Variants in CLEC16A observed in about 807,000 individuals in gnomAD.
The protein encoded by CLEC16A is protein CLEC16A.
Under a neutral mutation model 109.5 loss-of-function variants are expected in CLEC16A, and 51 were observed. That is an observed-to-expected ratio of 0.47 (90% CI 0.37 to 0.59). The LOEUF is 0.59. Ranked by LOEUF, CLEC16A falls within the 20% of genes least tolerant of loss-of-function variation. CLEC16A has a pLI of 0.00. For synonymous variants in CLEC16A, 673 were observed against 564.2 expected, an observed-to-expected ratio of 1.19 and a Z score of -2.73; for missense variants, 1,339 against 1,394.0, an observed-to-expected ratio of 0.96 and a Z score of 0.63.
At chr16:10,967,893 T>G (rs1388480594) in intron 3 of CLEC16A, among the ~76,000 whole-genome samples, 2 of 152,134 alleles carry the variant, frequency 1.3e-5, no homozygotes, top group Non-Finnish European at 2.9e-5. Context: ...CCCTGCACAC[T>G]TCTCACATGC....
At position 11,174,301 on chromosome 16, in the gene CLEC16A, C is replaced by T. The variant is rs908953824; in HGVS notation, c.2807-4034C>T. On this transcript the variant is annotated intron_variant, in intron 23 of 23. Transcript: ENST00000409790. The surrounding 1 kb of genome is among the most constrained non-coding windows in gnomAD (Gnocchi z 4.7). ...AGGCAGGTCTCCCCTGTGAGCCGCTCGGGCCGCGACGTCCACTCGCCACGC... is the reference window on the plus strand; with the variant it reads ...AGGCAGGTCTCCCCTGTGAGCCGCTTGGGCCGCGACGTCCACTCGCCACGC... 1.6e-5 allele frequency: 7 copies of T among 443,830 alleles called. No homozygotes were observed. Among genetic ancestry groups the T allele is most frequent in the Middle Eastern group, 4.0e-4 (1 of 2,476 alleles). The allele number at this position is 443,830 out of a possible 1,614,324, so 27.5% of individuals were successfully genotyped here.
In CLEC16A at chr16:11,047,261, T is replaced by G. The variant is rs74163620; in HGVS notation, c.1816-31T>G. The stretch of plus-strand genomic sequence containing the variant: ...TGTTTATGGAAAAAAATATGAATAA[T>G]CTCCTCTTCCCTCCCTTCCTTTCTT... On this transcript the variant is annotated intron_variant, in intron 16 of 23. Coordinates refer to ENST00000409790, the MANE Select transcript of CLEC16A (RefSeq NM_015226.3). 746 of 1,584,192 alleles carry G rather than the reference T, an allele frequency of 4.7e-4. 1 individual carries two copies. The highest frequency in any genetic ancestry group is 6.1e-4 in the Non-Finnish European group (713 of 1,160,052).
At chr16:10,970,377 G>GT (rs2042721786) in intron 4 of CLEC16A, among the ~76,000 whole-genome samples, 1 of 152,152 alleles carries the variant, frequency 6.6e-6, no homozygotes, top group Non-Finnish European at 1.5e-5. Context: ...GTACTTCTTA[G>GT]GTGTCAGGTG....
chr16:11,166,944 T>G (rs1013406242), intron 23 of CLEC16A, among the ~76,000 whole-genome samples: 8 of 152,142 alleles, frequency 5.3e-5, no homozygotes, highest in African/African-American at 1.9e-4. Context: ...ATTTTTTTTT[T>G]CCTCTGTAAC....
chr16:11,010,900 T>A (rs1267437741), intron 11 of CLEC16A, among the ~76,000 whole-genome samples: 1 of 152,242 alleles, frequency 6.6e-6, no homozygotes, highest in Non-Finnish European at 1.5e-5. Context: ...TAAAACGTCC[T>A]TCATTTTGTC....
At chr16:10,973,970 G>C (rs1363860673) in intron 7 of CLEC16A, among the ~76,000 whole-genome samples, 1 of 132,940 alleles carries the variant, frequency 7.5e-6, no homozygotes, top group Non-Finnish European at 1.5e-5. Flanking sequence ...TGCAATCTTG[G>C]CTCACTGCAC....
At chr16:10,969,500 A>C (rs1044535445) in intron 4 of CLEC16A, among the ~76,000 whole-genome samples, 191 bp downstream of exon 4, 3 of 151,896 alleles carry the variant, frequency 2.0e-5, no homozygotes, top group Non-Finnish European at 4.4e-5. Flanking sequence ...TAAATAAGTT[A>C]CCTTTCTATT....
intron 9 of CLEC16A, among the ~76,000 whole-genome samples, chr16:10,981,041 C>G (rs542733640): frequency 7.9e-5 from 12 of 152,242 alleles, no homozygotes; most frequent in African/African-American, 2.9e-4. Context: ...CTGGCCTGCA[C>G]GTGCTTCCAC....
intron 22 of CLEC16A, among the ~76,000 whole-genome samples, chr16:11,126,942 C>T (rs1236685751): frequency 1.3e-5 from 2 of 152,190 alleles, no homozygotes; most frequent in African/African-American, 2.4e-5. Context: ...AAGAACAAAA[C>T]GCAGCCATAG....
At chr16:10,996,845 T>A (rs1398240631) in intron 10 of CLEC16A, among the ~76,000 whole-genome samples, 1 of 152,198 alleles carries the variant, frequency 6.6e-6, no homozygotes, top group Non-Finnish European at 1.5e-5. Flanking sequence ...TCCCCCTCAT[T>A]TCATCAGTGA....
rs1432595719 is a variant in CLEC16A, at chr16:10,961,797, T to A, written c.210-658T>A. On this transcript the variant is annotated intron_variant, in intron 2 of 23. Coordinates refer to ENST00000409790, the MANE Select transcript of CLEC16A (RefSeq NM_015226.3). This position sits in a 1 kb window ranked among gnomAD's most constrained non-coding sequence, Gnocchi z 4.3. ...CCTCCTCTGTTCCGTGACTCTTTTTTAGTCTTCTGTTGTTTTTACGACCCT... is the reference window on the plus strand; with the variant it reads ...CCTCCTCTGTTCCGTGACTCTTTTTAAGTCTTCTGTTGTTTTTACGACCCT... Among the ~76,000 whole-genome samples, 2 of 152,214 alleles carry A rather than the reference T, an allele frequency of 1.3e-5. No individual in the cohort carries two copies. The highest frequency in any genetic ancestry group is 1.3e-4 in the Admixed American group (2 of 15,290).
chr16:11,046,849 A>G (rs1235751707), intron 16 of CLEC16A, among the ~76,000 whole-genome samples: 2 of 152,208 alleles, frequency 1.3e-5, no homozygotes, highest in African/African-American at 4.8e-5. Flanking sequence ...TGTAATTGTA[A>G]TGTTAAACTT....
chr16:11,098,332 G>T (rs541844909), intron 19 of CLEC16A, among the ~76,000 whole-genome samples: 27 of 152,340 alleles, frequency 1.8e-4, no homozygotes, highest in African/African-American at 6.3e-4. Flanking sequence ...GCCTGTGCAC[G>T]CCGAGGATGC....
chr16:11,153,253 C>T (rs781520725), intron 22 of CLEC16A, among the ~76,000 whole-genome samples: 2 of 152,176 alleles, frequency 1.3e-5, no homozygotes, highest in Non-Finnish European at 2.9e-5. Flanking sequence ...CAGCGATTTA[C>T]ATAGAAAGGG....
intron 3 of CLEC16A, among the ~76,000 whole-genome samples, chr16:10,964,213 C>T (rs1178995684): frequency 1.3e-5 from 2 of 152,230 alleles, no homozygotes; most frequent in Non-Finnish European, 2.9e-5. Context: ...GTGCTGCTGC[C>T]TCAGAGACGC....
intron 23 of CLEC16A, among the ~76,000 whole-genome samples, chr16:11,175,568 A>G (rs1456653705): frequency 6.6e-6 from 1 of 152,230 alleles, no homozygotes. Flanking sequence ...CCTTGGTTGG[A>G]TACCCTTGTA....
At chr16:11,051,429 G>A (rs879518720) in intron 17 of CLEC16A, 84 bp from the exon 18 acceptor site, 11 of 1,413,398 alleles carry the variant, frequency 7.8e-6, no homozygotes, top group South Asian at 3.7e-5. Flanking sequence ...GGTTGAAGGC[G>A]AGGGGCCTGT....
At chr16:10,984,608 A>G (rs757724760) in intron 10 of CLEC16A, among the ~76,000 whole-genome samples, 1 of 152,230 alleles carries the variant, frequency 6.6e-6, no homozygotes, top group East Asian at 1.9e-4. Context: ...CCTAGAGGTG[A>G]CAGGGGTGAT....
chr16:11,071,753 A>AT (rs71136611), intron 19 of CLEC16A, among the ~76,000 whole-genome samples: 16,314 of 61,238 alleles, frequency 0.27, 3,410 homozygotes, highest in Middle Eastern at 0.35. Context: ...CACCTGGCTG[A>AT]TTTTTTTTTT....
Sources: gnomAD v4.1 joint callset for allele counts (sites outside exome capture counted in the v4.1 genomes callset) on GRCh38, gnomAD v4.1.1 for gene constraint, Gnocchi (gnomAD v3.1) non-coding constraint, MANE v1.5 for transcripts, NCBI Gene and HGNC (gene_info 2026-07-23, HGNC 2026-07-21) for gene names.